TMEM132B: variants seen among roughly 807,000 people sequenced by gnomAD.
TMEM132B encodes transmembrane protein 132B.
Under a neutral mutation model 90.8 loss-of-function variants are expected in TMEM132B, and 18 were observed. The observed-to-expected ratio is 0.20, with a 90% CI of 0.14 to 0.29. The LOEUF (loss-of-function observed/expected upper bound fraction) is 0.29, where lower values mean the gene tolerates loss of function less well. Ranked by LOEUF, TMEM132B falls within the 10% of genes least tolerant of loss-of-function variation. The pLI, the probability that TMEM132B is intolerant of heterozygous loss-of-function variation, is 1.00. For missense variants in TMEM132B, 1,096 were observed against 1,326.8 expected, an observed-to-expected ratio of 0.83 and a Z score of 2.70; for synonymous variants, 504 against 523.3, an observed-to-expected ratio of 0.96 and a Z score of 0.50.
At chr12:125,368,256 T>C (rs1878190227) in intron 2 of TMEM132B, among the ~76,000 whole-genome samples, 1 of 152,246 alleles carries the variant, frequency 6.6e-6, no homozygotes, top group Non-Finnish European at 1.5e-5. Flanking sequence ...CATGATTAGA[T>C]TCAGGTTATG....
chr12:125,550,822 A>G (rs1045616231), intron 4 of TMEM132B, among the ~76,000 whole-genome samples: 5 of 152,156 alleles, frequency 3.3e-5, no homozygotes, highest in African/African-American at 1.2e-4. Flanking sequence ...CTTGTTGCCC[A>G]GGATGTAGTG....
chr12:125,417,825 G>C (rs1379291279), intron 3 of TMEM132B, among the ~76,000 whole-genome samples: 1 of 152,354 alleles, frequency 6.6e-6, no homozygotes, highest in East Asian at 1.9e-4. Context: ...ACACGTCCCA[G>C]TGCTGGTCAC....
At chr12:125,607,444 G>C (rs1417587351) in intron 5 of TMEM132B, among the ~76,000 whole-genome samples, 1 of 152,208 alleles carries the variant, frequency 6.6e-6, no homozygotes, top group Non-Finnish European at 1.5e-5. Context: ...GGCTGCCTGT[G>C]ATTGACTGAA....
intron 3 of TMEM132B, among the ~76,000 whole-genome samples, chr12:125,437,867 T>A (rs2136421095): frequency 6.6e-6 from 1 of 152,270 alleles, no homozygotes; most frequent in Non-Finnish European, 1.5e-5. Context: ...GACGAAAACG[T>A]TCTGGAGGTG....
rs1023379858 is a variant in TMEM132B, at chr12:125,655,706, G to C, written c.*996G>C. 4 of 152,054 alleles carry C rather than the reference G, an allele frequency of 2.6e-5. No individual in the cohort carries two copies. The highest frequency in any genetic ancestry group is 9.7e-5 in the African/African-American group (4 of 41,404). 9.4% of individuals were successfully genotyped at this position (152,054 alleles called of 1,614,324 possible). A position where few individuals can be genotyped will look rare whatever the true frequency, so the allele number is the denominator to read the frequency against. On this transcript the variant is annotated 3_prime_UTR_variant, in exon 9 of 9. Transcript: ENST00000682704. ...AACACAATTTACTATCCAAACTGAAGTCTTAAAGTAGAATTGACCTACACA... is the reference window on the plus strand; with the variant it reads ...AACACAATTTACTATCCAAACTGAACTCTTAAAGTAGAATTGACCTACACA...
chr12:125,194,479 G>C (rs550917694), intron 1 of TMEM132B, among the ~76,000 whole-genome samples: 27 of 152,126 alleles, frequency 1.8e-4, no homozygotes, highest in African/African-American at 6.3e-4. Context: ...GGCCTTCCAA[G>C]GGGTCTTGGC....
At chr12:125,374,665 A>T (rs1056779163) in intron 2 of TMEM132B, among the ~76,000 whole-genome samples, 2 of 150,516 alleles carry the variant, frequency 1.3e-5, no homozygotes, top group Admixed American at 1.3e-4. Flanking sequence ...CGGCTTCTCT[A>T]TCTTTCTTGC....
chr12:125,471,125 A>T (rs927953706), intron 3 of TMEM132B, among the ~76,000 whole-genome samples: 6 of 152,294 alleles, frequency 3.9e-5, no homozygotes, highest in Admixed American at 2.0e-4. Flanking sequence ...GTGTCCCATG[A>T]GCTCAATCAT....
chr12:125,658,435 T>A lies in TMEM132B; in HGVS notation c.*3725T>A, dbSNP rs2137068480. 1 of 152,352 alleles carries A rather than the reference T, an allele frequency of 6.6e-6. No homozygotes were observed. Among genetic ancestry groups the A allele is most frequent in the South Asian group, 2.1e-4 (1 of 4,820 alleles). 9.4% of individuals were successfully genotyped at this position (152,352 alleles called of 1,614,324 possible). On this transcript the variant is annotated 3_prime_UTR_variant, in exon 9 of 9. Transcript: ENST00000682704. ...AAGGACCACAGAGCGTGGTTTCATC[T>A]GAACCCTACAAGTCAGGGACACCAG...
intron 3 of TMEM132B, among the ~76,000 whole-genome samples, chr12:125,472,570 TATC>T (rs1228518904): frequency 6.6e-6 from 1 of 152,212 alleles, no homozygotes; most frequent in African/African-American, 2.4e-5. Context: ...GTGGTCTGAA[TATC>T]TGTGTTCCCT....
chr12:125,471,228 G>A (rs1881710031), intron 3 of TMEM132B, among the ~76,000 whole-genome samples: 1 of 152,270 alleles, frequency 6.6e-6, no homozygotes, highest in Non-Finnish European at 1.5e-5. Flanking sequence ...ATGCGGGACA[G>A]AGTCCTTTCT....
chr12:125,347,929 A>G (rs1044742384), intron 1 of TMEM132B, among the ~76,000 whole-genome samples: 1 of 152,246 alleles, frequency 6.6e-6, no homozygotes, highest in Non-Finnish European at 1.5e-5. Context: ...TTAACAAAAT[A>G]ATACATGGTT....
intron 1 of TMEM132B, among the ~76,000 whole-genome samples, chr12:125,311,363 C>G (rs1284888968): frequency 6.6e-6 from 1 of 152,234 alleles, no homozygotes; most frequent in African/African-American, 2.4e-5. Context: ...TTAATTTAAA[C>G]AGACATGAAA....
intron 1 of TMEM132B, among the ~76,000 whole-genome samples, chr12:125,284,289 A>G (rs1049553998): frequency 3.3e-5 from 5 of 152,186 alleles, no homozygotes; most frequent in Non-Finnish European, 7.4e-5. Flanking sequence ...AGCCAGTGTT[A>G]CATGAATCTT....
intron 3 of TMEM132B, among the ~76,000 whole-genome samples, chr12:125,489,608 C>T (rs373754398): frequency 6.6e-6 from 1 of 151,948 alleles, no homozygotes; most frequent in Non-Finnish European, 1.5e-5. Flanking sequence ...GATGGGGTCT[C>T]GCTATGTTGT....
chr12:125,645,217 C>CAAAAAAA (rs57035989), intron 6 of TMEM132B, among the ~76,000 whole-genome samples: 2 of 73,572 alleles, frequency 2.7e-5, no homozygotes, highest in Non-Finnish European at 2.6e-5. Flanking sequence ...GACTCCGTCT[C>CAAAAAAA]AAAAAAAAAA....
chr12:125,245,651 C>T (rs1284969259), intron 1 of TMEM132B, among the ~76,000 whole-genome samples: 1 of 152,018 alleles, frequency 6.6e-6, no homozygotes, highest in East Asian at 1.9e-4. Flanking sequence ...TTGACGGTTC[C>T]AGCACCCCAG....
Position 125,389,897 on chromosome 12 carries a change from G to A in TMEM132B, c.960-25634G>A, listed in dbSNP as rs140061224. Among the ~76,000 whole-genome samples the A allele has an allele frequency of 3.2e-3, 483 of 152,274 alleles. 2 individuals carry two copies. Among genetic ancestry groups the A allele is most frequent in the African/African-American group, 0.011 (467 of 41,558 alleles). ...AAAAGTTTAAAGAAAACTTTATATA[G>A]ACATATACCCACAGACAGTAAATGC... On this transcript the variant is annotated intron_variant, in intron 2 of 8. Transcript: ENST00000682704.
chr12:125,325,015 G>A lies in TMEM132B; in HGVS notation c.68-24437G>A, dbSNP rs371329472. Among the ~76,000 whole-genome samples the A allele has an allele frequency of 9.5e-4, 144 of 152,224 alleles. 1 individual carries two copies. Among genetic ancestry groups the A allele is most frequent in the African/African-American group, 3.3e-3 (137 of 41,546 alleles). On this transcript the variant is annotated intron_variant, in intron 1 of 8. Transcript: ENST00000682704. ...TAGACAGTGGTTACCTGCCTGCAACGCAAAACAGAGAGCTCTTCTGGCATT... is the reference window on the plus strand; with the variant it reads ...TAGACAGTGGTTACCTGCCTGCAACACAAAACAGAGAGCTCTTCTGGCATT...
Sources: allele counts gnomAD v4.1 joint callset (sites outside exome capture counted in the v4.1 genomes callset), GRCh38; gene constraint gnomAD v4.1.1; transcripts MANE v1.5; gene names NCBI Gene and HGNC (gene_info 2026-07-23, HGNC 2026-07-21).